Variants in DIAPH3 observed in about 807,000 individuals in gnomAD.
DIAPH3 encodes diaphanous related formin 3, also known as protein diaphanous homolog 3.
In DIAPH3, 117 loss-of-function variants were observed where a neutral mutation model predicts 144.3. That is an observed-to-expected ratio of 0.81 (90% CI 0.70 to 0.95). DIAPH3 has a LOEUF of 0.95. Ranked by LOEUF, DIAPH3 falls within the 40% of genes least tolerant of loss-of-function variation. The probability of loss-of-function intolerance (pLI) is 0.00; values close to 1 mark genes in which losing one functional copy is unlikely to be tolerated. For missense variants in DIAPH3, 1,421 were observed against 1,412.7 expected (o/e 1.01, Z -0.09); for synonymous variants, 519 against 488.9 (o/e 1.06, Z -0.81).
intron 17 of DIAPH3, among the ~76,000 whole-genome samples, chr13:59,948,397 C>T (rs1282490859): frequency 6.6e-6 from 1 of 152,162 alleles, no homozygotes; most frequent in Non-Finnish European, 1.5e-5. Context: ...GCTCTTAACA[C>T]TCAGATAATC....
chr13:59,736,904 G>T (rs1027526478), intron 27 of DIAPH3, among the ~76,000 whole-genome samples: 2 of 152,264 alleles, frequency 1.3e-5, no homozygotes, highest in Admixed American at 6.5e-5. Context: ...AACGGGAAAA[G>T]AATTCCCTAT....
chr13:59,889,448 A>T (rs565096185), intron 20 of DIAPH3, among the ~76,000 whole-genome samples: 1 of 152,154 alleles, frequency 6.6e-6, no homozygotes, highest in Non-Finnish European at 1.5e-5. Flanking sequence ...ATTTCTATAT[A>T]GCAATTTTTT....
chr13:60,155,714 G>A (rs1256359075), intron 1 of DIAPH3, among the ~76,000 whole-genome samples: 1 of 152,174 alleles, frequency 6.6e-6, no homozygotes, highest in Non-Finnish European at 1.5e-5. Context: ...CACTTAAGCT[G>A]AGAACTCAAT....
At chr13:59,818,040 A>G (rs2040870157) in intron 24 of DIAPH3, among the ~76,000 whole-genome samples, 1 of 151,916 alleles carries the variant, frequency 6.6e-6, no homozygotes, top group South Asian at 2.1e-4. Flanking sequence ...TTTAGAGCAG[A>G]GGCTATCGAA....
At chr13:59,749,783 C>G (rs930681366) in intron 27 of DIAPH3, among the ~76,000 whole-genome samples, 1 of 151,864 alleles carries the variant, frequency 6.6e-6, no homozygotes, top group Non-Finnish European at 1.5e-5. Context: ...AGTTTTTTCT[C>G]CTTAGAATTT....
chr13:59,866,188 A>G (rs1316428422), intron 21 of DIAPH3, among the ~76,000 whole-genome samples: 2 of 151,994 alleles, frequency 1.3e-5, no homozygotes, highest in Admixed American at 6.6e-5. Context: ...ACCATGAGAC[A>G]GACATTAGCC....
chr13:59,899,841 A>T (rs1050840297), intron 20 of DIAPH3, among the ~76,000 whole-genome samples: 1 of 151,946 alleles, frequency 6.6e-6, no homozygotes, highest in East Asian at 1.9e-4. Context: ...AAGAAGAGAG[A>T]TCAATATAAG....
Position 60,093,754 on chromosome 13 carries a change from C to T in DIAPH3, c.391-22G>A, listed in dbSNP as rs746740052. On this transcript the variant is annotated intron_variant, in intron 3 of 27. Transcript: ENST00000400324. ...CTTCCTGGAAAACACAATTAAAATG[C>T]CTCATTTTAGAATCTAAGTAGAGCA... 3.1e-5 allele frequency: 47 copies of T among 1,498,230 alleles called. No homozygotes were observed. In the South Asian group the frequency reaches 4.6e-4, roughly 15 times the overall value. 92.8% of individuals were successfully genotyped at this position (1,498,230 alleles called of 1,614,324 possible).
chr13:60,015,601 A>C (rs1297285996), intron 7 of DIAPH3, among the ~76,000 whole-genome samples: 2 of 152,036 alleles, frequency 1.3e-5, no homozygotes, highest in Admixed American at 1.3e-4. Flanking sequence ...TAGGACAAAA[A>C]AGCAGAGAAA....
intron 27 of DIAPH3, among the ~76,000 whole-genome samples, chr13:59,717,379 A>C (rs2035114045): frequency 6.6e-6 from 1 of 152,162 alleles, no homozygotes; most frequent in South Asian, 2.1e-4. Context: ...TCAGCCAACT[A>C]GTCACCTTCA....
At chr13:59,847,477 G>C (rs934221928) in intron 22 of DIAPH3, among the ~76,000 whole-genome samples, 1 of 152,184 alleles carries the variant, frequency 6.6e-6, no homozygotes, top group Non-Finnish European at 1.5e-5. Flanking sequence ...AAAGGCGGCA[G>C]CCTTTTAGAA....
At chr13:60,084,979 T>C (rs1010922458) in intron 4 of DIAPH3, among the ~76,000 whole-genome samples, 1 of 152,120 alleles carries the variant, frequency 6.6e-6, no homozygotes, top group African/African-American at 2.4e-5. Flanking sequence ...GTATAGAATT[T>C]ATGCCCTTTA....
intron 2 of DIAPH3, among the ~76,000 whole-genome samples, chr13:60,130,903 T>A (rs907611690): frequency 1.3e-5 from 2 of 152,116 alleles, no homozygotes; most frequent in Non-Finnish European, 2.9e-5. Context: ...AAGTCCTCAA[T>A]GAGGAACTCA....
At chr13:59,688,609 T>A (rs2033339239) in intron 27 of DIAPH3, among the ~76,000 whole-genome samples, 1 of 151,944 alleles carries the variant, frequency 6.6e-6, no homozygotes, top group Non-Finnish European at 1.5e-5. Context: ...ATTTTTAGTG[T>A]CACTCAAGTG....
intron 27 of DIAPH3, among the ~76,000 whole-genome samples, chr13:59,730,911 T>C (rs1453760199): frequency 2.0e-5 from 3 of 152,128 alleles, no homozygotes; most frequent in African/African-American, 7.2e-5. Flanking sequence ...CAGCATATAA[T>C]CCCAAATCCT....
At chr13:59,884,192 T>C (rs1388966000) in intron 20 of DIAPH3, among the ~76,000 whole-genome samples, 1 of 152,194 alleles carries the variant, frequency 6.6e-6, no homozygotes, top group Non-Finnish European at 1.5e-5. Flanking sequence ...AGATCTAGGT[T>C]GCATGCTCCT....
At chr13:60,057,692 G>A (rs1310736676) in intron 4 of DIAPH3, among the ~76,000 whole-genome samples, 1 of 151,720 alleles carries the variant, frequency 6.6e-6, no homozygotes, top group African/African-American at 2.4e-5. Context: ...TGGTATAAAA[G>A]GAGATACACA....
At chr13:59,925,719 G>T (rs988332322) in intron 17 of DIAPH3, among the ~76,000 whole-genome samples, 2 of 152,022 alleles carry the variant, frequency 1.3e-5, no homozygotes, top group African/African-American at 4.8e-5. Flanking sequence ...CTCATTATTG[G>T]TCTGCTCAGG....
intron 20 of DIAPH3, among the ~76,000 whole-genome samples, chr13:59,903,595 T>A (rs1028779098): frequency 4.0e-5 from 6 of 151,662 alleles, no homozygotes; most frequent in Non-Finnish European, 7.4e-5. Flanking sequence ...TCACTTAGGG[T>A]TTAAGTTCTA....
Sources: gnomAD v4.1 joint callset for allele counts (sites outside exome capture counted in the v4.1 genomes callset) on GRCh38, gnomAD v4.1.1 for gene constraint, MANE v1.5 for transcripts, NCBI Gene and HGNC (gene_info 2026-07-23, HGNC 2026-07-21) for gene names.